Variants in APOC1 observed in about 807,000 individuals in gnomAD.
The protein encoded by APOC1 is apolipoprotein C-I.
Under a neutral mutation model 6.7 loss-of-function variants are expected in APOC1, and 4 were observed. That is an observed-to-expected ratio of 0.60 (90% confidence interval 0.29 to 1.37). The LOEUF (loss-of-function observed/expected upper bound fraction) is 1.37. Ranked by LOEUF, APOC1 falls within the 40% of genes most tolerant of loss-of-function variation. APOC1 has a pLI of 0.09. For synonymous variants in APOC1, 33 were observed against 40.6 expected (o/e 0.81, Z 0.72); for missense variants, 122 against 99.4 (o/e 1.23, Z -0.97).
At chr19:44,915,040 G>A in intron 2 of APOC1, 91 bp downstream of exon 2, 1 of 1,401,812 alleles carries the variant, frequency 7.1e-7, no homozygotes. Flanking sequence ...GGACCTCTGA[G>A]AGCTCCGGGG....
intron 2 of APOC1, 141 bp downstream of exon 2, chr19:44,915,090 G>A: frequency 1.2e-6 from 1 of 850,464 alleles, no homozygotes; most frequent in Non-Finnish European, 1.9e-6. Context: ...GGTCGGGTGG[G>A]TCTCCAGGTT....
intron 3 of APOC1, among the ~76,000 whole-genome samples, chr19:44,917,399 A>T (rs554771653): frequency 6.6e-6 from 1 of 150,688 alleles, no homozygotes; most frequent in Admixed American, 6.6e-5. Flanking sequence ...GAGTGCGAGA[A>T]CCCCGTCCCT....
In APOC1 at chr19:44,915,169, G is replaced by C. The variant is rs764211529; in HGVS notation, c.58+220G>C. On this transcript the variant is annotated intron_variant, in intron 2 of 3. Transcript: ENST00000592535. ...CACTAGCAACCGATGACGTATTGAG[G>C]CCCACACCTCTGGGATTGGCTGTCC... The C allele has an allele frequency of 5.8e-5, 34 of 589,836 alleles. No homozygotes were observed. In the South Asian group the frequency reaches 6.1e-4, roughly 11 times the overall value. 36.5% of individuals were successfully genotyped at this position (589,836 alleles called of 1,614,324 possible). A position where few individuals can be genotyped will look rare whatever the true frequency, so the allele number is the denominator to read the frequency against.
intron 2 of APOC1, 72 bp from the exon 3 acceptor site, chr19:44,916,118 C>G: frequency 2.1e-6 from 3 of 1,396,800 alleles, no homozygotes; most frequent in Non-Finnish European, 2.8e-6. Flanking sequence ...GCTTGGGCTA[C>G]AGAGCAAGAC....
At chr19:44,914,817 G>A (rs975974063) in intron 1 of APOC1, 55 bp from the exon 2 acceptor site, 30 of 1,439,388 alleles carry the variant, frequency 2.1e-5, no homozygotes, top group African/African-American at 2.8e-5. Context: ...GTGGGAGGGA[G>A]GTAGGGAGGG....
At chr19:44,915,230 G>C in intron 2 of APOC1, 2 of 515,502 alleles carry the variant, frequency 3.9e-6, no homozygotes, top group Non-Finnish European at 7.0e-6. Flanking sequence ...AAGCTGGGTG[G>C]GGGGCTCTGG....
chr19:44,915,426 C>G (rs1969987203), intron 2 of APOC1, among the ~76,000 whole-genome samples: 1 of 151,328 alleles, frequency 6.6e-6, no homozygotes, highest in African/African-American at 2.4e-5. Context: ...CTGGTTCACG[C>G]CATTCTCCTG....
Position 44,914,845 on chromosome 19 carries a change from C to G in APOC1, c.-20-27C>G, listed in dbSNP as rs745844155. On this transcript the variant is annotated intron_variant, in intron 1 of 3. Transcript: ENST00000592535. ...AGGGAGGGAGGAGGGTGCCACTGAT[C>G]CCCTGAACCCCTGCCTCTGCCTCCA... is the stretch of plus-strand genomic sequence containing the variant. 3 of 1,595,028 alleles carry G rather than the reference C, an allele frequency of 1.9e-6. No homozygotes were observed. In the South Asian group the frequency reaches 3.3e-5, roughly 18 times the overall value.
At chr19:44,916,348 G>T (rs375519463) in intron 3 of APOC1, 23 bp downstream of exon 3, 1 of 1,611,810 alleles carries the variant, frequency 6.2e-7, no homozygotes, top group South Asian at 1.1e-5. Flanking sequence ...CCCAGGGCAC[G>T]GGAGAGCTGG....
intron 3 of APOC1, 39 bp downstream of exon 3, chr19:44,916,364 GT>G: frequency 6.2e-7 from 1 of 1,609,288 alleles, no homozygotes; most frequent in South Asian, 1.1e-5. Context: ...GCTGGGGTGT[GT>G]TTTTGGGTGG....
At chr19:44,917,703 G>C (rs746127274) in intron 3 of APOC1, among the ~76,000 whole-genome samples, 2 of 152,094 alleles carry the variant, frequency 1.3e-5, no homozygotes, top group African/African-American at 2.4e-5. Flanking sequence ...TGGAGGCCAG[G>C]CACAATGGCT....
intron 3 of APOC1, among the ~76,000 whole-genome samples, chr19:44,918,124 T>C (rs1313267158): frequency 1.4e-5 from 2 of 144,872 alleles, no homozygotes; most frequent in Non-Finnish European, 3.0e-5. Flanking sequence ...AAAAATTAGC[T>C]GGGTGTGGTG....
At chr19:44,915,315 C>A in intron 2 of APOC1, 1 of 132,122 alleles carries the variant, frequency 7.6e-6, no homozygotes, top group Non-Finnish European at 1.6e-5. Context: ...CCTCCCCATT[C>A]TTTTTTTTTT....
intron 3 of APOC1, among the ~76,000 whole-genome samples, chr19:44,917,980 GAAA>G (rs777242423): frequency 6.7e-6 from 1 of 148,478 alleles, no homozygotes; most frequent in Non-Finnish European, 1.5e-5. Context: ...TGCCAAAAAA[GAAA>G]AAAAACTCCT....
Position 44,914,913 on chromosome 19 carries a change from C to T in APOC1, c.22C>T (p.Pro8Ser), listed in dbSNP as rs1969976441. 6.2e-7 allele frequency: 1 copy of T among 1,613,874 alleles called. No homozygotes were observed. Among genetic ancestry groups the T allele is most frequent in the Non-Finnish European group, 8.5e-7 (1 of 1,179,890 alleles). The stretch of plus-strand genomic sequence containing the variant: ...CGCCATGAGGCTCTTCCTGTCGCTC[C>T]CGGTCCTGGTGGTGGTTCTGTCGAT... MRLFLSL[P>S]VLVVVLSIVL... Residue 8 changes from proline to serine, a missense_variant, in exon 2 of 4, where the codon CCG becomes TCG. By Grantham distance (74) the Pro-to-Ser change is moderately conservative. Coordinates refer to ENST00000592535, the MANE Select transcript of APOC1 (RefSeq NM_001645.5).
At chr19:44,917,527 A>G (rs1568623014) in intron 3 of APOC1, among the ~76,000 whole-genome samples, 1 of 151,732 alleles carries the variant, frequency 6.6e-6, no homozygotes, top group Non-Finnish European at 1.5e-5. Context: ...GCAGTGCGCC[A>G]TGTTTGTGCC....
In APOC1 at chr19:44,915,063, C is replaced by T. The variant is rs778141077; in HGVS notation, c.58+114C>T. On this transcript the variant is annotated intron_variant, in intron 2 of 3. Coordinates refer to ENST00000592535, the MANE Select transcript of APOC1 (RefSeq NM_001645.5). ...GAGAGCTCCGGGGCCCCTTCTGGGT[C>T]GTGGTTGCCTCATCGTGGTCGGGTG... 5.1e-6 allele frequency: 6 copies of T among 1,168,844 alleles called. No individual in the cohort carries two copies. In the African/African-American group the frequency reaches 7.6e-5, roughly 15 times the overall value. 72.4% of individuals were successfully genotyped at this position (1,168,844 alleles called of 1,614,324 possible). A position where few individuals can be genotyped will look rare whatever the true frequency, so the allele number is the denominator to read the frequency against.
rs376127005 is a variant in APOC1 at position 44,916,137 on chromosome 19, CAAAA to C, written c.59-37_59-34del. ...GGGCTACAGAGCAAGACTCCATCTC[CAAAA>C]AAAAAAAAAAAAAAACAAATTTTGA... On this transcript the variant is annotated intron_variant, in intron 2 of 3. Transcript: ENST00000592535. 3.7e-3 allele frequency: 3,320 copies of C among 898,534 alleles called. 7 individuals are homozygous for C. The highest frequency in any genetic ancestry group is 9.0e-3 in the African/African-American group (207 of 23,042). 55.7% of individuals were successfully genotyped at this position (898,534 alleles called of 1,614,324 possible). A position where few individuals can be genotyped will look rare whatever the true frequency, so the allele number is the denominator to read the frequency against.
Position 44,916,338 on chromosome 19 carries a change from C to A in APOC1, c.194+13C>A, listed in dbSNP as rs769073152. Reference sequence around the variant, plus strand: ...CTGCCAAGATGCGGTTAGAACCCTTCCCAGGGCACGGGAGAGCTGGGGTGT... The same window carrying A: ...CTGCCAAGATGCGGTTAGAACCCTTACCAGGGCACGGGAGAGCTGGGGTGT... On this transcript the variant is annotated intron_variant, in intron 3 of 3. Transcript: ENST00000592535. 6.2e-7 allele frequency: 1 copy of A among 1,613,314 alleles called. No individual in the cohort carries two copies. Among genetic ancestry groups the A allele is most frequent in the South Asian group, 1.1e-5 (1 of 91,020 alleles).
Sources: gnomAD v4.1 joint callset for allele counts (sites outside exome capture counted in the v4.1 genomes callset) on GRCh38, gnomAD v4.1.1 for gene constraint, MANE v1.5 for transcripts, NCBI Gene and HGNC (gene_info 2026-07-23, HGNC 2026-07-21) for gene names.